The following MYO1F variants were observed in gnomAD, a reference collection of about 807,000 sequenced individuals.
MYO1F encodes myosin IF, also known as unconventional myosin-If.
A neutral mutation model predicts 146.6 loss-of-function variants in MYO1F; 60 were observed. The ratio of observed to expected loss-of-function variants is 0.41; its 90% CI spans 0.33 to 0.51. The LOEUF is 0.51. Among genes scored for constraint, MYO1F ranks in the 20% least tolerant of loss-of-function variants. The probability of loss-of-function intolerance (pLI) is 0.25; values close to 1 mark genes in which losing one functional copy is unlikely to be tolerated. For missense variants in MYO1F, 1,274 were observed against 1,534.3 expected (o/e 0.83, Z 2.83); for synonymous variants, 602 against 602.1 (o/e 1.00, Z 0.00).
Position 8,526,478 on chromosome 19 carries a change from C to T in MYO1F, c.2745G>A (p.Val915=), listed in dbSNP as rs757976654. ...KVGGRTLTVS[V]GDGLPKSSKP... is the part of the protein sequence containing the mutation. ...TGGAGCTCTTGGGCAGCCCATCGCC[C>T]ACGCTGACCGTGAGGGTCCGACCGC... Residue 915 remains valine (V), a synonymous_variant, in exon 24 of 28, where the codon GTG becomes GTA. Coordinates refer to ENST00000644032, the MANE Select transcript of MYO1F (RefSeq NM_012335.4). 3 of 1,563,908 alleles carry T rather than the reference C, an allele frequency of 1.9e-6. No individual in the cohort carries two copies. Among genetic ancestry groups the T allele is most frequent in the Non-Finnish European group, 2.6e-6 (3 of 1,154,212 alleles).
Position 8,556,098 on chromosome 19 carries a change from T to G in MYO1F, c.4-302A>C, listed in dbSNP as rs1308937928. 2.0e-5 allele frequency among the ~76,000 whole-genome samples: 3 copies of G among 151,578 alleles called. No homozygotes were observed. The East Asian group carries it at 5.9e-4, about 30-fold the overall frequency. On this transcript the variant is annotated intron_variant, in intron 1 of 27. Coordinates refer to ENST00000644032, the MANE Select transcript of MYO1F (RefSeq NM_012335.4). ...GGCTGGGGTGCAGTGGCGTGATCTC[T>G]GCTCACTGCAACATCCACCTCCCGG...
At chr19:8,524,417 A>C (rs1972181297) in intron 25 of MYO1F, among the ~76,000 whole-genome samples, 1 of 58,298 alleles carries the variant, frequency 1.7e-5, no homozygotes, top group Non-Finnish European at 3.1e-5. Flanking sequence ...ACTCTGTCTC[A>C]AAAAAAAAAA....
rs368370926 is a variant in MYO1F, at chr19:8,542,426, G to T, written c.1525-435C>A. 5.8e-4 allele frequency among the ~76,000 whole-genome samples: 88 copies of T among 151,330 alleles called. 1 individual carries two copies. The highest frequency in any genetic ancestry group is 2.1e-3 in the African/African-American group (85 of 41,200). ...CCTGGTCAATCAGGGGCCAGTGCAG[G>T]GGGCCTGTGTCAGGAGGGTAACAGC... is the stretch of plus-strand genomic sequence containing the variant. On this transcript the variant is annotated intron_variant, in intron 14 of 27. Coordinates refer to ENST00000644032, the MANE Select transcript of MYO1F (RefSeq NM_012335.4).
rs368617557 is a variant in MYO1F, at chr19:8,522,688, G to A, written c.2996C>T (p.Pro999Leu). The A allele has an allele frequency of 6.6e-5, 106 of 1,613,942 alleles. No individual in the cohort carries two copies. In the Middle Eastern group the frequency reaches 6.6e-4, roughly 10 times the overall value. The change falls in exon 26 of 28, where the codon CCG becomes CTG. Residue 999 changes from proline (P) to leucine (L), a missense_variant. Pro to Leu is a moderately conservative substitution (Grantham distance 98). Around this residue, in one of 2 missense-constraint regions of MYO1F, gnomAD observed 374 missense variants for 379.2 expected, o/e 0.99. Coordinates refer to ENST00000644032, the MANE Select transcript of MYO1F (RefSeq NM_012335.4). ...LGASRRPRARPPSEHNTEFLN... is the reference protein window; with the variant it reads ...LGASRRPRARLPSEHNTEFLN... ...GAATTCTGTGTTGTGCTCTGAGGGC[G>A]GACGTGCCCGGGGTCGTCTGCTGGC...
chr19:8,556,482 AAAAGAAAG>A (rs367956320), intron 1 of MYO1F, among the ~76,000 whole-genome samples: 2,239 of 145,140 alleles, frequency 0.015, 20 homozygotes, highest in Middle Eastern at 0.05. Flanking sequence ...TCTCTATAAA[AAAAGAAAG>A]AAAGAAAGAA....
At chr19:8,549,465 T>G (rs926896789) in intron 10 of MYO1F, 1 of 152,124 alleles carries the variant, frequency 6.6e-6, no homozygotes, top group Non-Finnish European at 1.5e-5. Context: ...AGACAGGGTT[T>G]TGCCATGTTG....
In MYO1F at chr19:8,572,563, C is replaced by T. The variant is rs143354982; in HGVS notation, c.3+4744G>A. Among the ~76,000 whole-genome samples the T allele has an allele frequency of 1.9e-4, 29 of 152,014 alleles. 1 individual carries two copies. In the East Asian group the frequency reaches 3.7e-3, roughly 19 times the overall value. On this transcript the variant is annotated intron_variant, in intron 1 of 27. Transcript: ENST00000644032. The stretch of plus-strand genomic sequence containing the variant: ...GATTACAGGTGTGAGCCACTGTGCC[C>T]GTGCCCAGTTAGTGGTCTTAACTGA...
chr19:8,544,000 TGGTGGCGGTGGCGGTGGC>T (rs1176648618), intron 14 of MYO1F: 19 of 154,822 alleles, frequency 1.2e-4, no homozygotes, highest in South Asian at 7.2e-4. Flanking sequence ...GTGGTGCTGG[TGGTGGCGGTGGCGGTGGC>T]GGTGGCGGTG....
intron 10 of MYO1F, 159 bp downstream of exon 10, chr19:8,550,001 T>C: frequency 2.5e-6 from 2 of 791,962 alleles, no homozygotes; most frequent in Non-Finnish European, 4.2e-6. Flanking sequence ...GGTCTTGCTA[T>C]GTTGCCCAGG....
At chr19:8,531,739 CACT>C (rs1972496039) in intron 19 of MYO1F, among the ~76,000 whole-genome samples, 1 of 152,214 alleles carries the variant, frequency 6.6e-6, no homozygotes, top group African/African-American at 2.4e-5. Flanking sequence ...TGTTACTCGA[CACT>C]ATCCACGAGG....
intron 1 of MYO1F, 92 bp from the exon 2 acceptor site, chr19:8,555,888 C>G (rs1973832025): frequency 7.8e-7 from 1 of 1,285,134 alleles, no homozygotes; most frequent in African/African-American, 1.5e-5. Context: ...TCTGTCCCAC[C>G]TCCCCCGCCC....
rs374199180 is a variant in MYO1F at position 8,544,327 on chromosome 19, G to A, written c.1494C>T (p.Ala498=). The change falls in exon 14 of 28, where the codon GCC becomes GCT. Residue 498 remains alanine, a synonymous_variant. Transcript: ENST00000644032. ...GTHEHFNSWS[A]GFVIHHYAGK... is the part of the protein sequence containing the mutation. Reference sequence around the variant, plus strand: ...CAGCGTAGTGGTGGATGACGAAGCCGGCGCTCCAGCTGTTGAAATGCTCGT... The same window carrying A: ...CAGCGTAGTGGTGGATGACGAAGCCAGCGCTCCAGCTGTTGAAATGCTCGT... The A allele has an allele frequency of 3.9e-5, 63 of 1,612,980 alleles. No homozygotes were observed. Among genetic ancestry groups the A allele is most frequent in the Admixed American group, 1.3e-4 (8 of 59,966 alleles).
rs1463030966 is a variant in MYO1F, at chr19:8,553,200, TTG to T, written c.441_442del (p.Asn148ProfsTer25). On this transcript the variant is annotated frameshift_variant, in exon 6 of 28. Transcript: ENST00000644032. LOFTEE classifies it high-confidence loss of function. Reference sequence around the variant, plus strand: ...GTTGCCGAAGGCCTCGAGCAGCGGGTTGGACTGCAGGATGATATCTTTGACGT... The same window carrying T: ...GTTGCCGAAGGCCTCGAGCAGCGGGTGACTGCAGGATGATATCTTTGACGT... 3 of 1,613,970 alleles carry T rather than the reference TTG, an allele frequency of 1.9e-6. No homozygotes were observed.
intron 1 of MYO1F, among the ~76,000 whole-genome samples, chr19:8,564,013 A>G (rs941158240): frequency 6.6e-6 from 1 of 152,180 alleles, no homozygotes; most frequent in East Asian, 1.9e-4. Flanking sequence ...TTTTGAAACT[A>G]TGGGAGTTGA....
chr19:8,538,490 C>T (rs759295494), intron 16 of MYO1F, among the ~76,000 whole-genome samples: 2 of 151,494 alleles, frequency 1.3e-5, no homozygotes, highest in African/African-American at 4.9e-5. Flanking sequence ...CCATGTTGGC[C>T]AGGCTGGTCT....
In MYO1F at chr19:8,521,344, A is replaced by C; in HGVS notation, c.*184T>G. 1.5e-6 allele frequency: 1 copy of C among 661,130 alleles called. No individual in the cohort carries two copies. Among genetic ancestry groups the C allele is most frequent in the East Asian group, 2.8e-5 (1 of 36,252 alleles). 41.0% of individuals were successfully genotyped at this position (661,130 alleles called of 1,614,324 possible). ...TGATGTTGGAGGAAGACCAGGGCCC[A>C]GGGGCGGGGGCTGCAGCAGTGACCT... On this transcript the variant is annotated 3_prime_UTR_variant, in exon 28 of 28. Transcript: ENST00000644032.
intron 19 of MYO1F, among the ~76,000 whole-genome samples, chr19:8,532,097 G>A (rs752576804): frequency 2.6e-5 from 4 of 151,422 alleles, no homozygotes; most frequent in African/African-American, 7.3e-5. Context: ...CAGCCTGGGC[G>A]ACAGAGTGAG....
intron 19 of MYO1F, among the ~76,000 whole-genome samples, chr19:8,533,142 G>T (rs1440260180): frequency 1.3e-5 from 2 of 151,292 alleles, no homozygotes; most frequent in Non-Finnish European, 1.5e-5. Context: ...GGGCTCAAGG[G>T]ATCCTCCCAC....
At chr19:8,557,955 C>T (rs564272377) in intron 1 of MYO1F, among the ~76,000 whole-genome samples, 263 of 152,204 alleles carry the variant, frequency 1.7e-3, no homozygotes, top group Middle Eastern at 0.017. Flanking sequence ...CTTTGAGCTC[C>T]TCCAGGCCAC....
Sources: allele counts gnomAD v4.1 joint callset (sites outside exome capture counted in the v4.1 genomes callset), GRCh38; gene constraint gnomAD v4.1.1; regional missense constraint gnomAD v4.1.1; transcripts MANE v1.5; gene names NCBI Gene and HGNC (gene_info 2026-07-23, HGNC 2026-07-21).